Variants in NEURL1 observed in about 807,000 individuals in gnomAD.
NEURL1 encodes the protein neuralized E3 ubiquitin protein ligase 1, also known as E3 ubiquitin-protein ligase NEURL1.
NEURL1 carries 26 observed loss-of-function variants against 41.2 expected under a neutral mutation model. The ratio of observed to expected loss-of-function variants is 0.63; its 90% CI spans 0.46 to 0.87. The LOEUF (loss-of-function observed/expected upper bound fraction) is 0.87, where lower values mean the gene tolerates loss of function less well. Among genes scored for constraint, NEURL1 ranks in the 40% least tolerant of loss-of-function variants. NEURL1 has a pLI of 0.00. For missense variants in NEURL1, 761 were observed against 871.1 expected (o/e 0.87, Z 1.59); for synonymous variants, 400 against 402.3 (o/e 0.99, Z 0.07).
At chr10:103,541,979 G>T (rs1330071368) in intron 1 of NEURL1, among the ~76,000 whole-genome samples, 1 of 152,184 alleles carries the variant, frequency 6.6e-6, no homozygotes, top group Non-Finnish European at 1.5e-5. Flanking sequence ...GATATCTGGA[G>T]AAAGGAGAAC....
At chr10:103,549,972 C>A (rs1184661871) in intron 1 of NEURL1, among the ~76,000 whole-genome samples, 2 of 152,220 alleles carry the variant, frequency 1.3e-5, no homozygotes, top group African/African-American at 4.8e-5. Flanking sequence ...ACTTCTTTGC[C>A]TGCTTGAAGG....
chr10:103,570,794 T>C (rs2035523398), intron 1 of NEURL1, 78 bp from the exon 2 acceptor site: 1 of 1,549,566 alleles, frequency 6.5e-7, no homozygotes, highest in South Asian at 1.2e-5. Context: ...ATGCCCAGCC[T>C]CTGCCCTTCC....
chr10:103,515,121 G>C (rs1009532036), intron 1 of NEURL1, among the ~76,000 whole-genome samples: 1 of 150,436 alleles, frequency 6.6e-6, no homozygotes, highest in Non-Finnish European at 1.5e-5. Context: ...CCAGCTATTC[G>C]GGAGGCTGAG....
chr10:103,518,230 A>AT (rs146661435), intron 1 of NEURL1, among the ~76,000 whole-genome samples: 7,330 of 147,382 alleles, frequency 0.05, 278 homozygotes, highest in East Asian at 0.19. Context: ...AGGTACCATG[A>AT]TTTAAAAAAA....
intron 1 of NEURL1, among the ~76,000 whole-genome samples, chr10:103,533,071 C>CATA (rs2034606764): frequency 6.6e-6 from 1 of 151,636 alleles, no homozygotes; most frequent in Non-Finnish European, 1.5e-5. Flanking sequence ...GGACCACAGG[C>CATA]ACCCACCACC....
chr10:103,499,420 C>T (rs1362047382), intron 1 of NEURL1, among the ~76,000 whole-genome samples: 1 of 150,012 alleles, frequency 6.7e-6, no homozygotes, highest in Non-Finnish European at 1.5e-5. Context: ...TTCCTTCCTT[C>T]CTTCTCTTCT....
intron 1 of NEURL1, among the ~76,000 whole-genome samples, chr10:103,554,666 T>C (rs960237175): frequency 6.6e-6 from 1 of 152,220 alleles, no homozygotes; most frequent in Non-Finnish European, 1.5e-5. Flanking sequence ...TGATAATGAC[T>C]GTAATACTGA....
intron 1 of NEURL1, among the ~76,000 whole-genome samples, chr10:103,503,605 G>A (rs1376412839): frequency 6.6e-6 from 1 of 152,078 alleles, no homozygotes; most frequent in African/African-American, 2.4e-5. Flanking sequence ...ATCAGCCGTG[G>A]GCTAGACACC....
In NEURL1 at chr10:103,532,192, G is replaced by A. The variant is rs540992956; in HGVS notation, c.85+37720G>A. On this transcript the variant is annotated intron_variant, in intron 1 of 5. Transcript: ENST00000369780. ...GGAATTTAATCTGTTTACATTCAAG[G>A]TTATTGTTGATAGGTGAGGACTTGC... is the stretch of plus-strand genomic sequence containing the variant. Among the ~76,000 whole-genome samples the A allele has an allele frequency of 9.9e-5, 15 of 152,256 alleles. No homozygotes were observed. The South Asian group carries it at 3.1e-3, about 32-fold the overall frequency.
At chr10:103,554,945 C>T (rs1240209211) in intron 1 of NEURL1, among the ~76,000 whole-genome samples, 1 of 152,184 alleles carries the variant, frequency 6.6e-6, no homozygotes, top group Non-Finnish European at 1.5e-5. Context: ...TGTGTCACTA[C>T]ATCCCTGAGA....
chr10:103,517,871 C>T (rs1415252270), intron 1 of NEURL1, among the ~76,000 whole-genome samples: 1 of 152,218 alleles, frequency 6.6e-6, no homozygotes. Context: ...ACACTTGGGC[C>T]TGGCAGGCCA....
intron 4 of NEURL1, chr10:103,588,757 A>C (rs2035974994): frequency 2.4e-6 from 1 of 415,340 alleles, no homozygotes; most frequent in Middle Eastern, 8.1e-4. Flanking sequence ...CATCTTGGCC[A>C]ACATGGTGAA....
chr10:103,571,174 C>T, intron 2 of NEURL1, 61 bp downstream of exon 2: 1 of 1,546,202 alleles, frequency 6.5e-7, no homozygotes, highest in South Asian at 1.2e-5. Flanking sequence ...ATGGCATCCC[C>T]TGGGCCTCTG....
chr10:103,500,673 G>A lies in NEURL1; in HGVS notation c.85+6201G>A, dbSNP rs11818324. On this transcript the variant is annotated intron_variant, in intron 1 of 5. Coordinates refer to ENST00000369780, the MANE Select transcript of NEURL1 (RefSeq NM_004210.5). ...GAATTCCCAGCCTCCTCCCCCTTAC[G>A]CTTTCTTCGGGGTTTTAGACACTTT... Among the ~76,000 whole-genome samples, 1,188 of 152,310 alleles carry A rather than the reference G, an allele frequency of 7.8e-3. 11 individuals are homozygous for A. The highest frequency in any genetic ancestry group is 0.027 in the African/African-American group (1,114 of 41,560).
At chr10:103,562,783 C>T (rs1357988516) in intron 1 of NEURL1, among the ~76,000 whole-genome samples, 1 of 152,192 alleles carries the variant, frequency 6.6e-6, no homozygotes, top group East Asian at 1.9e-4. Context: ...CCGAAGGATG[C>T]ATGAGAAAGG....
chr10:103,533,779 G>A (rs566704458), intron 1 of NEURL1, among the ~76,000 whole-genome samples: 287 of 151,962 alleles, frequency 1.9e-3, no homozygotes, highest in African/African-American at 5.4e-3. Flanking sequence ...CTTCTGATCC[G>A]CCCGCCTTGG....
chr10:103,544,153 A>G (rs532932000), intron 1 of NEURL1, among the ~76,000 whole-genome samples: 26 of 152,290 alleles, frequency 1.7e-4, no homozygotes, highest in African/African-American at 6.0e-4. Context: ...CCATGGGCAG[A>G]GCCAGGGGAG....
chr10:103,554,519 G>A (rs981649060), intron 1 of NEURL1, among the ~76,000 whole-genome samples: 2 of 152,154 alleles, frequency 1.3e-5, no homozygotes, highest in Non-Finnish European at 2.9e-5. Flanking sequence ...GGGGGGAAAA[G>A]CCTGGATTCT....
chr10:103,586,616 A>G (rs1000891106), intron 4 of NEURL1, among the ~76,000 whole-genome samples: 11 of 152,258 alleles, frequency 7.2e-5, no homozygotes, highest in Admixed American at 4.6e-4. Context: ...GTATAGGCAC[A>G]TGTGAGTAAC....
Sources: allele counts gnomAD v4.1 joint callset (sites outside exome capture counted in the v4.1 genomes callset), GRCh38; gene constraint gnomAD v4.1.1; transcripts MANE v1.5; gene names NCBI Gene and HGNC (gene_info 2026-07-23, HGNC 2026-07-21).